Variants in CCR3 observed in about 807,000 individuals in gnomAD.
The protein encoded by CCR3 is C-C chemokine receptor type 3.
For synonymous variants in CCR3, 203 were observed against 179.2 expected (o/e 1.13, Z -1.06); for missense variants, 419 against 437.5 (o/e 0.96, Z 0.38).
chr3:46,235,873 A>G (rs558894629), intron 2 of CCR3, among the ~76,000 whole-genome samples: 1 of 152,340 alleles, frequency 6.6e-6, no homozygotes, highest in South Asian at 2.1e-4. Context: ...CTCTACGCAC[A>G]TCAAATACTC....
intron 2 of CCR3, among the ~76,000 whole-genome samples, chr3:46,235,661 G>A (rs942484413): frequency 6.6e-6 from 1 of 152,116 alleles, no homozygotes; most frequent in African/African-American, 2.4e-5. Context: ...ATTTCAAAAG[G>A]CGTTGAGGAC....
intron 1 of CCR3, among the ~76,000 whole-genome samples, chr3:46,248,609 G>A (rs933527665): frequency 1.3e-5 from 2 of 152,126 alleles, no homozygotes; most frequent in African/African-American, 4.8e-5. Context: ...GAATTATGCC[G>A]AGATAGGTAA....
chr3:46,225,752 T>C (rs1323171162), intron 2 of CCR3, among the ~76,000 whole-genome samples: 1 of 152,218 alleles, frequency 6.6e-6, no homozygotes, highest in Non-Finnish European at 1.5e-5. Context: ...CATTTTCTAA[T>C]TGGAATTTTT....
intron 1 of CCR3, among the ~76,000 whole-genome samples, chr3:46,247,181 T>A (rs1047700500): frequency 3.9e-5 from 6 of 152,072 alleles, no homozygotes; most frequent in African/African-American, 7.3e-5. Flanking sequence ...AGATATCAGC[T>A]GTGATGGCTT....
chr3:46,257,902 G>A (rs1267654995), intron 1 of CCR3, among the ~76,000 whole-genome samples: 1 of 152,204 alleles, frequency 6.6e-6, no homozygotes, highest in East Asian at 1.9e-4. Flanking sequence ...AAGCCACTGA[G>A]TTGGGGGAGG....
At chr3:46,261,029 T>G (rs1416901831) in intron 1 of CCR3, among the ~76,000 whole-genome samples, 1 of 152,224 alleles carries the variant, frequency 6.6e-6, no homozygotes, top group Admixed American at 6.5e-5. Context: ...TATGTTCATT[T>G]AACTTTTGTT....
chr3:46,256,625 T>C (rs1907635), intron 1 of CCR3, among the ~76,000 whole-genome samples: 65,386 of 151,980 alleles, frequency 0.43, 15,108 homozygotes, highest in East Asian at 0.64. Context: ...CACAAGGGTA[T>C]AACAGTTATG....
chr3:46,264,641 T>G, intron 1 of CCR3: 1 of 542,588 alleles, frequency 1.8e-6, no homozygotes, highest in Non-Finnish European at 3.2e-6. Context: ...AATGAATGGC[T>G]CATCATTATG....
intron 1 of CCR3, among the ~76,000 whole-genome samples, chr3:46,246,983 G>T (rs994868087): frequency 2.6e-5 from 4 of 151,912 alleles, no homozygotes; most frequent in Non-Finnish European, 4.4e-5. Context: ...GCCTGGATAT[G>T]GTTTTGTATG....
chr3:46,228,246 T>C (rs1699926047), intron 2 of CCR3, among the ~76,000 whole-genome samples: 1 of 152,024 alleles, frequency 6.6e-6, no homozygotes, highest in Non-Finnish European at 1.5e-5. Flanking sequence ...GATCTTACAT[T>C]GTACGCACAC....
At chr3:46,233,332 G>C (rs989793083) in intron 2 of CCR3, among the ~76,000 whole-genome samples, 7 of 152,240 alleles carry the variant, frequency 4.6e-5, no homozygotes, top group Non-Finnish European at 8.8e-5. Flanking sequence ...GGGAAGGAAG[G>C]TGGGTGCATT....
At chr3:46,259,261 T>A (rs1158310480) in intron 1 of CCR3, among the ~76,000 whole-genome samples, 2 of 152,212 alleles carry the variant, frequency 1.3e-5, no homozygotes, top group African/African-American at 4.8e-5. Flanking sequence ...TCATGTCATT[T>A]TGTACCATAA....
chr3:46,218,624 T>C (rs1037508400), intron 2 of CCR3, among the ~76,000 whole-genome samples: 1 of 152,158 alleles, frequency 6.6e-6, no homozygotes, highest in African/African-American at 2.4e-5. Flanking sequence ...AAAAAGGTAA[T>C]GCACCATAAT....
At chr3:46,244,201 AACTT>A (rs552757888) in intron 1 of CCR3, among the ~76,000 whole-genome samples, 2 of 152,252 alleles carry the variant, frequency 1.3e-5, no homozygotes, top group Non-Finnish European at 2.9e-5. Context: ...AATTGTGAAT[AACTT>A]AATCACACAA....
At chr3:46,218,403 A>G (rs1699799674) in intron 2 of CCR3, among the ~76,000 whole-genome samples, 1 of 152,136 alleles carries the variant, frequency 6.6e-6, no homozygotes, top group Non-Finnish European at 1.5e-5. Context: ...TTCAAAGAAG[A>G]ATTGGCACCA....
At chr3:46,226,122 C>T (rs770696806) in intron 2 of CCR3, among the ~76,000 whole-genome samples, 1 of 152,150 alleles carries the variant, frequency 6.6e-6, no homozygotes, top group East Asian at 1.9e-4. Context: ...ATTCCTCTCA[C>T]TTTATTATTG....
In CCR3 at chr3:46,226,857, A is replaced by AAT. The variant is rs71619637; in HGVS notation, c.-67-15528_-67-15527dup. ...CTGAGTGTTTACCATGAATAGGTGA[A>AAT]ATATATATATATATATATTTTCTTT... On this transcript the variant is annotated intron_variant, in intron 2 of 3. Coordinates refer to the CCR3 transcript ENST00000357422. Among the ~76,000 whole-genome samples the AAT allele has an allele frequency of 5.3e-3, 797 of 149,218 alleles. 6 individuals carry two copies. Among genetic ancestry groups the AAT allele is most frequent in the East Asian group, 0.011 (59 of 5,134 alleles).
chr3:46,264,886 T>C (rs1700587743), intron 1 of CCR3: 1 of 476,640 alleles, frequency 2.1e-6, no homozygotes, highest in African/African-American at 2.0e-5. Flanking sequence ...GAAATCTGTA[T>C]CCCCATTCTT....
At chr3:46,224,842 C>T (rs1230055306) in intron 2 of CCR3, among the ~76,000 whole-genome samples, 1 of 151,844 alleles carries the variant, frequency 6.6e-6, no homozygotes, top group African/African-American at 2.4e-5. Flanking sequence ...TCACACCATG[C>T]TGGTGCAAGT....
Sources: allele counts gnomAD v4.1 joint callset (sites outside exome capture counted in the v4.1 genomes callset), GRCh38; gene constraint gnomAD v4.1.1; transcripts MANE v1.5; gene names NCBI Gene and HGNC (gene_info 2026-07-23, HGNC 2026-07-21).